Variants in UBA6 observed in about 807,000 individuals in gnomAD.
The protein encoded by UBA6 is ubiquitin-like modifier-activating enzyme 6.
A neutral mutation model predicts 148.3 loss-of-function variants in UBA6; 87 were observed. That is an observed-to-expected ratio of 0.59 (90% CI 0.49 to 0.70). The LOEUF is 0.70. UBA6 is among the 30% of genes least tolerant of loss of function. UBA6 has a pLI of 0.00. For missense variants in UBA6, 1,186 were observed against 1,241.2 expected (o/e 0.96, Z 0.67); for synonymous variants, 376 against 401.0 (o/e 0.94, Z 0.75).
At chr4:67,692,251 C>A (rs755944341) in intron 2 of UBA6, among the ~76,000 whole-genome samples, 1 of 152,034 alleles carries the variant, frequency 6.6e-6, no homozygotes, top group Admixed American at 6.6e-5. Flanking sequence ...AGTTTCTAGA[C>A]GCCATAAGGA....
intron 19 of UBA6, among the ~76,000 whole-genome samples, chr4:67,638,014 C>G (rs575194017): frequency 6.6e-6 from 1 of 151,464 alleles, no homozygotes; most frequent in East Asian, 1.9e-4. Context: ...AAAAGCTAAA[C>G]TAGATGAAGA....
At chr4:67,688,903 A>C (rs1407620983) in intron 2 of UBA6, among the ~76,000 whole-genome samples, 2 of 152,124 alleles carry the variant, frequency 1.3e-5, no homozygotes, top group African/African-American at 4.8e-5. Context: ...GTAAATACTA[A>C]CTAAATTTCA....
At chr4:67,696,337 A>AT (rs1229210621) in intron 2 of UBA6, among the ~76,000 whole-genome samples, 1 of 152,134 alleles carries the variant, frequency 6.6e-6, no homozygotes, top group Non-Finnish European at 1.5e-5. Flanking sequence ...CCGAATGTAG[A>AT]TAAAAAAAAT....
At chr4:67,622,182 A>T (rs1340514314) in intron 32 of UBA6, among the ~76,000 whole-genome samples, 5 of 152,204 alleles carry the variant, frequency 3.3e-5, no homozygotes. Context: ...AGTCTTGCAG[A>T]CCACGATAAA....
Position 67,614,471 on chromosome 4 carries a change from G to A in UBA6, c.*4526C>T, listed in dbSNP as rs1242408020. On this transcript the variant is annotated 3_prime_UTR_variant, in exon 33 of 33. Transcript: ENST00000322244. ...GTTGATGAAATCTGTATTCACATAC[G>A]GGTATAATACATGACTTTGGTGGCA... The A allele has an allele frequency of 1.3e-5, 2 of 152,034 alleles. No individual in the cohort carries two copies. The highest frequency in any genetic ancestry group is 2.1e-4 in the South Asian group (1 of 4,832). 9.4% of individuals were successfully genotyped at this position (152,034 alleles called of 1,614,324 possible). A position where few individuals can be genotyped will look rare whatever the true frequency, so the allele number is the denominator to read the frequency against.
Position 67,613,854 on chromosome 4 carries a change from A to G in UBA6, c.*5143T>C, listed in dbSNP as rs1048786378. The G allele has an allele frequency of 3.3e-5, 5 of 152,190 alleles. No homozygotes were observed. Among genetic ancestry groups the G allele is most frequent in the African/African-American group, 7.2e-5 (3 of 41,448 alleles). 9.4% of individuals were successfully genotyped at this position (152,190 alleles called of 1,614,324 possible). On this transcript the variant is annotated 3_prime_UTR_variant, in exon 33 of 33. Transcript: ENST00000322244. Reference sequence around the variant, plus strand: ...TGGCATAACAAGAAAGAAAATCAAAATATTTTACCCCGAAATATGTTTCTC... The same window carrying G: ...TGGCATAACAAGAAAGAAAATCAAAGTATTTTACCCCGAAATATGTTTCTC...
At chr4:67,653,208 A>G (rs1330174641) in intron 13 of UBA6, among the ~76,000 whole-genome samples, 1 of 152,154 alleles carries the variant, frequency 6.6e-6, no homozygotes, top group Non-Finnish European at 1.5e-5. Flanking sequence ...CTCTGAGAAC[A>G]GACAGACTGC....
chr4:67,648,420 A>G lies in UBA6; in HGVS notation c.1248+648T>C, dbSNP rs541301648. 6.7e-4 allele frequency among the ~76,000 whole-genome samples: 101 copies of G among 150,622 alleles called. 1 individual carries two copies. The East Asian group carries it at 0.011, about 16-fold the overall frequency. On this transcript the variant is annotated intron_variant, in intron 14 of 32. Coordinates refer to ENST00000322244, the MANE Select transcript of UBA6 (RefSeq NM_018227.6). ...CAGACAGAGGTTGCAGTGAGCTAACATCGCGCCATTGCACTCCAGCCTGGG... is the reference window on the plus strand; with the variant it reads ...CAGACAGAGGTTGCAGTGAGCTAACGTCGCGCCATTGCACTCCAGCCTGGG...
At chr4:67,673,949 G>A (rs1373496543) in intron 6 of UBA6, among the ~76,000 whole-genome samples, 172 bp from the exon 7 acceptor site, 2 of 152,108 alleles carry the variant, frequency 1.3e-5, no homozygotes, top group African/African-American at 4.8e-5. Context: ...ACAAAGTATA[G>A]GTAACAGAAG....
At chr4:67,635,689 G>A (rs1729122137) in intron 19 of UBA6, 131 bp from the exon 20 acceptor site, 1 of 547,770 alleles carries the variant, frequency 1.8e-6, no homozygotes, top group African/African-American at 2.1e-5. Flanking sequence ...TAGGAAAACA[G>A]ATATACTACT....
At chr4:67,699,347 T>TA (rs1249494394) in intron 1 of UBA6, among the ~76,000 whole-genome samples, 1 of 152,228 alleles carries the variant, frequency 6.6e-6, no homozygotes, top group Non-Finnish European at 1.5e-5. Context: ...CTAGCATTGA[T>TA]AAATAAGCCA....
At chr4:67,663,031 T>C (rs1384771137) in intron 12 of UBA6, 108 bp downstream of exon 12, 3 of 685,992 alleles carry the variant, frequency 4.4e-6, no homozygotes, top group Non-Finnish European at 7.3e-6. Flanking sequence ...GCTTGGTATA[T>C]CTATTGGTAT....
intron 2 of UBA6, among the ~76,000 whole-genome samples, chr4:67,684,029 A>G (rs1730502640): frequency 1.3e-5 from 2 of 152,182 alleles, no homozygotes; most frequent in South Asian, 2.1e-4. Flanking sequence ...GTGAGCCAAG[A>G]TCATGCCACT....
chr4:67,662,335 A>T (rs1729881017), intron 12 of UBA6, 80 bp from the exon 13 acceptor site: 1 of 1,259,542 alleles, frequency 7.9e-7, no homozygotes, highest in Non-Finnish European at 1.1e-6. Context: ...ATTAAAATTT[A>T]GGAAATATAT....
chr4:67,670,041 C>T (rs115080789), intron 8 of UBA6, among the ~76,000 whole-genome samples: 1,672 of 152,214 alleles, frequency 0.011, 25 homozygotes, highest in African/African-American at 0.038. Flanking sequence ...TTCCGCCTCC[C>T]GGGTTCAAGT....
intron 28 of UBA6, among the ~76,000 whole-genome samples, chr4:67,625,614 T>C (rs1026772206): frequency 1.3e-5 from 2 of 151,932 alleles, no homozygotes; most frequent in African/African-American, 2.4e-5. Context: ...ACAGGGTCAG[T>C]TGGTCAAATT....
chr4:67,626,409 A>G lies in UBA6; in HGVS notation c.2469T>C (p.Asn823=), dbSNP rs147766103. 4.9e-5 allele frequency: 79 copies of G among 1,611,534 alleles called. No individual in the cohort carries two copies. The African/African-American group carries it at 8.8e-4, about 18-fold the overall frequency. Residue 823 remains asparagine, a synonymous_variant, in exon 28 of 33, where the codon AAT becomes AAC. Coordinates refer to ENST00000322244, the MANE Select transcript of UBA6 (RefSeq NM_018227.6). The part of the protein sequence containing the change: ...HVPISSEDER[N]AIFQLEKAIL... ...TAGCCTTTTCTAGTTGGAAAATTGC[A>G]TTCCTCTCATCTTCACTGCTAATAG...
intron 18 of UBA6, 83 bp from the exon 19 acceptor site, chr4:67,639,207 G>A: frequency 9.2e-7 from 1 of 1,081,876 alleles, no homozygotes; most frequent in Non-Finnish European, 1.3e-6. Flanking sequence ...AGAGTGATAA[G>A]AATGTGTAAG....
chr4:67,631,085 G>A (rs553166054), intron 25 of UBA6, among the ~76,000 whole-genome samples: 2 of 152,260 alleles, frequency 1.3e-5, no homozygotes, highest in African/African-American at 4.8e-5. Flanking sequence ...ATAAGGTTGG[G>A]TGTGGTGGTA....
Sources: gnomAD v4.1 joint callset for allele counts (sites outside exome capture counted in the v4.1 genomes callset) on GRCh38, gnomAD v4.1.1 for gene constraint, MANE v1.5 for transcripts, NCBI Gene and HGNC (gene_info 2026-07-23, HGNC 2026-07-21) for gene names.